The following SULF2 variants were observed in gnomAD, a reference collection of about 807,000 sequenced individuals.
SULF2 encodes the protein sulfatase 2, also known as extracellular sulfatase Sulf-2.
In SULF2, 52 loss-of-function variants were observed where a neutral mutation model predicts 107.7. That is an observed-to-expected ratio of 0.48 (90% CI 0.39 to 0.61). The LOEUF is 0.61. SULF2 is among the 20% of genes least tolerant of loss of function. The pLI is 0.00. For missense variants in SULF2, 993 were observed against 1,177.3 expected, an observed-to-expected ratio of 0.84 and a Z score of 2.29; for synonymous variants, 460 against 464.3, an observed-to-expected ratio of 0.99 and a Z score of 0.12.
intron 4 of SULF2, among the ~76,000 whole-genome samples, chr20:47,690,550 G>A (rs775758993): frequency 6.6e-6 from 1 of 152,162 alleles, no homozygotes; most frequent in Non-Finnish European, 1.5e-5. Flanking sequence ...GGAGAACAGG[G>A]CAGGAATTGC....
chr20:47,703,226 C>T (rs561336207), intron 3 of SULF2, among the ~76,000 whole-genome samples: 87 of 152,288 alleles, frequency 5.7e-4, no homozygotes, highest in Non-Finnish European at 5.9e-4. Context: ...TTGTAGAGAG[C>T]GATCATTTCA....
chr20:47,757,366 T>A lies in SULF2; in HGVS notation c.-3A>T, dbSNP rs1162945632. On this transcript the variant is annotated 5_prime_UTR_variant, in exon 2 of 21. Coordinates refer to ENST00000688720, the MANE Select transcript of SULF2 (RefSeq NM_001387048.1). ...AGCACGAGGCTCGGGGGGCCCATCT[T>A]CTTTTTTTGCTGATCTGGTGCTTCT... 2 of 1,579,790 alleles carry A rather than the reference T, an allele frequency of 1.3e-6. No individual in the cohort carries two copies. The highest frequency in any genetic ancestry group is 1.7e-6 in the Non-Finnish European group (2 of 1,159,272).
intron 10 of SULF2, among the ~76,000 whole-genome samples, chr20:47,675,715 CAG>C (rs1392536325): frequency 1.3e-5 from 2 of 152,084 alleles, no homozygotes; most frequent in Non-Finnish European, 2.9e-5. Flanking sequence ...CCAGCCAAGG[CAG>C]AGTTTCCATC....
In SULF2 at chr20:47,658,326, G is replaced by A. The variant is rs1353854982; in HGVS notation, c.*36C>T. On this transcript the variant is annotated 3_prime_UTR_variant, in exon 21 of 21. Coordinates refer to ENST00000688720, the MANE Select transcript of SULF2 (RefSeq NM_001387048.1). ...TTCATTGCCTGTGCAGTCAGGTGAT[G>A]CCTCTATGTTTTTGGAGGTCCACCT... The A allele has an allele frequency of 1.9e-6, 3 of 1,610,770 alleles. No individual in the cohort carries two copies. The highest frequency in any genetic ancestry group is 1.7e-5 in the Admixed American group (1 of 60,006).
chr20:47,662,987 C>T, intron 17 of SULF2, 83 bp downstream of exon 17: 1 of 1,537,932 alleles, frequency 6.5e-7, no homozygotes, highest in Non-Finnish European at 8.9e-7. Flanking sequence ...AATTTGTCAT[C>T]ACTTCCCTGA....
At chr20:47,687,280 T>C (rs2088039769) in intron 5 of SULF2, among the ~76,000 whole-genome samples, 1 of 152,150 alleles carries the variant, frequency 6.6e-6, no homozygotes, top group East Asian at 1.9e-4. Flanking sequence ...GCCAGCTTGC[T>C]GGTTGCCTGT....
intron 2 of SULF2, among the ~76,000 whole-genome samples, chr20:47,747,400 G>C (rs897410562): frequency 6.6e-6 from 1 of 152,106 alleles, no homozygotes; most frequent in Admixed American, 6.5e-5. Flanking sequence ...TGCTGCCTCT[G>C]GTTGCAGAAG....
chr20:47,708,649 G>C (rs75016165), intron 3 of SULF2, among the ~76,000 whole-genome samples: 18,904 of 152,134 alleles, frequency 0.12, 1,212 homozygotes, highest in Middle Eastern at 0.17. Flanking sequence ...CTCCCCACTG[G>C]GGAACTGGGT....
chr20:47,747,018 T>TACACACACACAC (rs58378160), intron 2 of SULF2, among the ~76,000 whole-genome samples: 3 of 75,118 alleles, frequency 4.0e-5, no homozygotes, highest in East Asian at 8.0e-4. Flanking sequence ...TATATATATA[T>TACACACACACAC]ACACACACAC....
chr20:47,723,512 G>T (rs2089352832), intron 3 of SULF2, among the ~76,000 whole-genome samples: 1 of 152,220 alleles, frequency 6.6e-6, no homozygotes, highest in Non-Finnish European at 1.5e-5. Flanking sequence ...GAACTGGGCT[G>T]CATAGCAGGA....
At chr20:47,775,655 A>T (rs1404975339) in intron 1 of SULF2, among the ~76,000 whole-genome samples, 1 of 152,198 alleles carries the variant, frequency 6.6e-6, no homozygotes, top group African/African-American at 2.4e-5. Flanking sequence ...TCATTCCTTT[A>T]GTCATTCATT....
chr20:47,756,046 G>A (rs528544539), intron 2 of SULF2, among the ~76,000 whole-genome samples: 8 of 152,236 alleles, frequency 5.3e-5, no homozygotes, highest in South Asian at 2.1e-4. Flanking sequence ...CAACAAATGC[G>A]TAATAAACAT....
rs944407569 is a variant in SULF2 at position 47,754,362 on chromosome 20, C to T, written c.175+2827G>A. ...TTTTTTAGGACCACCCGCTGCATGC[C>T]AGTTGTAGCAGAGACTGTGAGATAA... On this transcript the variant is annotated intron_variant, in intron 2 of 20. Coordinates refer to ENST00000688720, the MANE Select transcript of SULF2 (RefSeq NM_001387048.1). Among the ~76,000 whole-genome samples the T allele has an allele frequency of 2.6e-5, 4 of 152,162 alleles. No homozygotes were observed. The East Asian group carries it at 7.7e-4, about 29-fold the overall frequency.
intron 2 of SULF2, among the ~76,000 whole-genome samples, chr20:47,748,357 C>T (rs6012260): frequency 0.027 from 4,048 of 152,332 alleles, 149 homozygotes; most frequent in African/African-American, 0.084. Context: ...CAGTGTTAGG[C>T]CACACAACCC....
At chr20:47,776,995 GTA>G (rs1161611813) in intron 1 of SULF2, among the ~76,000 whole-genome samples, 1 of 152,124 alleles carries the variant, frequency 6.6e-6, no homozygotes, top group Non-Finnish European at 1.5e-5. Context: ...AATTTACTGA[GTA>G]TCCAAAGAGT....
At chr20:47,674,701 G>A (rs1026030607) in intron 10 of SULF2, among the ~76,000 whole-genome samples, 2 of 152,172 alleles carry the variant, frequency 1.3e-5, no homozygotes, top group African/African-American at 4.8e-5. Flanking sequence ...TACCACGTGG[G>A]GTAGCACGGA....
intron 3 of SULF2, among the ~76,000 whole-genome samples, chr20:47,713,088 A>G (rs1031876262): frequency 6.6e-6 from 1 of 152,104 alleles, no homozygotes; most frequent in Admixed American, 6.6e-5. Flanking sequence ...TTTCTATTAT[A>G]GTGTCTGCAG....
chr20:47,726,254 G>A (rs778549580), intron 3 of SULF2, among the ~76,000 whole-genome samples: 6 of 152,140 alleles, frequency 3.9e-5, no homozygotes, highest in African/African-American at 1.2e-4. Context: ...TGCCCAGGCC[G>A]AAGTACAGTG....
intron 10 of SULF2, among the ~76,000 whole-genome samples, chr20:47,674,656 G>T (rs2087582515): frequency 6.6e-6 from 1 of 152,186 alleles, no homozygotes; most frequent in South Asian, 2.1e-4. Flanking sequence ...CTCGGTTCCT[G>T]GGCACGTTTG....
Sources: gnomAD v4.1 joint callset for allele counts (sites outside exome capture counted in the v4.1 genomes callset) on GRCh38, gnomAD v4.1.1 for gene constraint, MANE v1.5 for transcripts, NCBI Gene and HGNC (gene_info 2026-07-23, HGNC 2026-07-21) for gene names.